FOXP2: variants seen among roughly 807,000 people sequenced by gnomAD.
FOXP2 encodes the protein forkhead box P2, also known as forkhead box protein P2.
FOXP2 carries 12 observed loss-of-function variants against 115.8 expected under a neutral mutation model. The ratio of observed to expected loss-of-function variants is 0.10; its 90% CI spans 0.07 to 0.17. The LOEUF is 0.17. Among genes scored for constraint, FOXP2 ranks in the 10% least tolerant of loss-of-function variants. The pLI is 1.00. For synonymous variants in FOXP2, 328 were observed against 297.7 expected (o/e 1.10, Z -1.05); for missense variants, 629 against 843.5 (o/e 0.75, Z 3.15).
At chr7:114,173,451 A>G (rs552330275) in intron 1 of FOXP2, among the ~76,000 whole-genome samples, 4 of 151,152 alleles carry the variant, frequency 2.6e-5, no homozygotes, top group East Asian at 1.9e-4. Flanking sequence ...CCAGGAGTGA[A>G]CGTCATCTTA....
chr7:114,270,025 C>T (rs1795995846), intron 1 of FOXP2, among the ~76,000 whole-genome samples: 2 of 152,008 alleles, frequency 1.3e-5, no homozygotes, highest in Non-Finnish European at 2.9e-5. Flanking sequence ...ACTCTGTGCT[C>T]AACTTTTAGA....
intron 2 of FOXP2, among the ~76,000 whole-genome samples, chr7:114,461,389 A>G (rs1045099295): frequency 6.6e-6 from 1 of 151,858 alleles, no homozygotes; most frequent in Non-Finnish European, 1.5e-5. Context: ...TTACTTAACC[A>G]TTGTTAGCCC....
At chr7:114,575,073 C>A (rs1801506472) in intron 3 of FOXP2, among the ~76,000 whole-genome samples, 1 of 151,806 alleles carries the variant, frequency 6.6e-6, no homozygotes, top group Admixed American at 6.6e-5. Context: ...AAATTCATCT[C>A]TCTCTTGAGG....
intron 3 of FOXP2, among the ~76,000 whole-genome samples, chr7:114,574,726 G>A (rs1258705600): frequency 6.6e-6 from 1 of 151,848 alleles, no homozygotes; most frequent in East Asian, 1.9e-4. Context: ...ATAGGATTCT[G>A]CCAGTTAGTT....
intron 16 of FOXP2, among the ~76,000 whole-genome samples, chr7:114,678,643 A>G (rs559929622): frequency 5.5e-5 from 8 of 146,168 alleles, no homozygotes; most frequent in African/African-American, 2.0e-4. Context: ...TTTTCCTTAA[A>G]ATGCTATAAG....
intron 1 of FOXP2, among the ~76,000 whole-genome samples, chr7:114,244,809 G>A (rs970857289): frequency 6.6e-6 from 1 of 151,350 alleles, no homozygotes; most frequent in African/African-American, 2.4e-5. Context: ...TGGCCCAGGC[G>A]GGAGTGCAGT....
Position 114,557,147 on chromosome 7 carries a change from T to G in FOXP2, c.258+22441T>G, listed in dbSNP as rs539617221. 9.2e-5 allele frequency among the ~76,000 whole-genome samples: 14 copies of G among 152,306 alleles called. No individual in the cohort carries two copies. In the Middle Eastern group the frequency reaches 0.014, roughly 148 times the overall value. The stretch of plus-strand genomic sequence containing the variant: ...CTCAAACCCTGTTTTCATACATTGT[T>G]GGACAATGAGTCAAGGTGGAAAATC... On this transcript the variant is annotated intron_variant, in intron 3 of 16. Coordinates refer to ENST00000350908, the MANE Select transcript of FOXP2 (RefSeq NM_014491.4).
intron 1 of FOXP2, among the ~76,000 whole-genome samples, chr7:114,277,832 T>C (rs1005162833): frequency 1.3e-5 from 2 of 151,760 alleles, no homozygotes; most frequent in East Asian, 1.9e-4. Context: ...CTAGTCAACA[T>C]GGTGAAACCC....
At chr7:114,141,768 TACCTGCCAGTGC>T (rs1792215970) in intron 1 of FOXP2, among the ~76,000 whole-genome samples, 1 of 152,226 alleles carries the variant, frequency 6.6e-6, no homozygotes, top group Admixed American at 6.5e-5. Context: ...ACAGCCTAGT[TACCTGCCAGTGC>T]ATGGCACATC....
chr7:114,269,264 TAGAG>T (rs1449632129), intron 1 of FOXP2, among the ~76,000 whole-genome samples: 2 of 152,144 alleles, frequency 1.3e-5, no homozygotes, highest in African/African-American at 4.8e-5. Flanking sequence ...ATATTTTGAA[TAGAG>T]ATAGACAGAA....
chr7:114,388,978 A>C (rs2129193761), intron 2 of FOXP2, among the ~76,000 whole-genome samples: 1 of 152,370 alleles, frequency 6.6e-6, no homozygotes, highest in Admixed American at 6.5e-5. Flanking sequence ...TGATGATATT[A>C]GAGTGTGAAA....
intron 1 of FOXP2, among the ~76,000 whole-genome samples, chr7:114,148,101 G>A (rs10500038): frequency 0.12 from 17,687 of 152,250 alleles, 1,338 homozygotes; most frequent in Non-Finnish European, 0.17. Context: ...CTCACAGCTT[G>A]ATAATACACT....
In FOXP2 at chr7:114,475,070, A is replaced by T. The variant is rs948334494; in HGVS notation, c.168+48391A>T. 1.1e-4 allele frequency among the ~76,000 whole-genome samples: 17 copies of T among 152,200 alleles called. No homozygotes were observed. In the East Asian group the frequency reaches 2.9e-3, roughly 26 times the overall value. ...TCATACAGACCATAATAAAGCATGC[A>T]TCCGTCTATCCATTCACTTGTCAAT... On this transcript the variant is annotated intron_variant, in intron 2 of 16. Coordinates refer to ENST00000350908, the MANE Select transcript of FOXP2 (RefSeq NM_014491.4).
intron 1 of FOXP2, among the ~76,000 whole-genome samples, chr7:114,417,273 CAT>C (rs1793390088): frequency 6.6e-6 from 1 of 151,978 alleles, no homozygotes; most frequent in Non-Finnish European, 1.5e-5. Context: ...TTAAATGCTA[CAT>C]GTTTTAAATT....
chr7:114,100,258 G>A (rs1420725711), intron 1 of FOXP2, among the ~76,000 whole-genome samples: 3 of 152,032 alleles, frequency 2.0e-5, no homozygotes, highest in African/African-American at 7.2e-5. Flanking sequence ...TTTCTATGCT[G>A]AAGAAGTCTT....
chr7:114,662,213 T>C (rs755297173), intron 14 of FOXP2, 27 bp downstream of exon 14: 3 of 1,611,430 alleles, frequency 1.9e-6, no homozygotes, highest in Non-Finnish European at 1.7e-6. Flanking sequence ...TTTGTAATCC[T>C]GTATCCTGCA....
chr7:114,104,612 TCCAACAAGAACA>T (rs1265351922), intron 1 of FOXP2, among the ~76,000 whole-genome samples: 4 of 152,050 alleles, frequency 2.6e-5, no homozygotes, highest in Non-Finnish European at 5.9e-5. Flanking sequence ...AGTCATGTTT[TCCAACAAGAACA>T]CTTAATCATT....
intron 8 of FOXP2, 74 bp from the exon 9 acceptor site, chr7:114,652,129 G>A: frequency 7.3e-7 from 1 of 1,378,760 alleles, no homozygotes; most frequent in Non-Finnish European, 1.0e-6. Flanking sequence ...TCAGTGTAGT[G>A]CTTTTTAAGT....
chr7:114,227,918 A>T (rs1203887187), intron 1 of FOXP2, among the ~76,000 whole-genome samples: 1 of 152,036 alleles, frequency 6.6e-6, no homozygotes, highest in Non-Finnish European at 1.5e-5. Flanking sequence ...CATGATCCTC[A>T]CGCTATATGT....
Sources: allele counts gnomAD v4.1 joint callset (sites outside exome capture counted in the v4.1 genomes callset), GRCh38; gene constraint gnomAD v4.1.1; transcripts MANE v1.5; gene names NCBI Gene and HGNC (gene_info 2026-07-23, HGNC 2026-07-21).